Variants in RPA2 observed in about 807,000 individuals in gnomAD.
RPA2 encodes the protein replication protein A2, also known as replication protein A 32 kDa subunit.
RPA2 carries 22 observed loss-of-function variants against 33.4 expected under a neutral mutation model. The observed-to-expected ratio is 0.66, with a 90% CI of 0.47 to 0.94. RPA2 has a LOEUF of 0.94. RPA2 is among the 40% of genes least tolerant of loss of function. RPA2 has a pLI of 0.00. For synonymous variants in RPA2, 109 were observed against 114.9 expected, an observed-to-expected ratio of 0.95 and a Z score of 0.33; for missense variants, 279 against 329.9, an observed-to-expected ratio of 0.85 and a Z score of 1.19.
intron 2 of RPA2, among the ~76,000 whole-genome samples, chr1:27,911,694 C>T (rs1292286837): frequency 6.6e-6 from 1 of 152,148 alleles, no homozygotes; most frequent in Non-Finnish European, 1.5e-5. Context: ...TAGTTCCTTA[C>T]TAGCTATGTA....
chr1:27,894,158 C>G, intron 7 of RPA2, 52 bp from the exon 8 acceptor site: 1 of 1,552,394 alleles, frequency 6.4e-7, no homozygotes, highest in East Asian at 2.2e-5. Context: ...TCAGCCTCCC[C>G]TTTGCAAACC....
intron 4 of RPA2, among the ~76,000 whole-genome samples, chr1:27,900,853 C>T (rs762940222): frequency 2.6e-5 from 4 of 152,078 alleles, no homozygotes; most frequent in African/African-American, 4.8e-5. Flanking sequence ...TTAGTAGAGA[C>T]GAGGTTTCAC....
intron 4 of RPA2, among the ~76,000 whole-genome samples, chr1:27,903,583 G>A (rs1309421616): frequency 6.6e-6 from 1 of 151,802 alleles, no homozygotes; most frequent in Non-Finnish European, 1.5e-5. Context: ...GTTGGGTGTG[G>A]TGGTGCACGC....
intron 5 of RPA2, 139 bp from the exon 6 acceptor site, chr1:27,897,260 C>A: frequency 1.7e-6 from 1 of 592,872 alleles, no homozygotes; most frequent in Admixed American, 3.1e-5. Context: ...AGAGGTATTC[C>A]AAATATGGTC....
intron 2 of RPA2, 43 bp from the exon 3 acceptor site, chr1:27,907,325 A>G (rs1467813679): frequency 1.1e-5 from 16 of 1,482,020 alleles, no homozygotes; most frequent in Admixed American, 3.8e-5. Context: ...GAAAGTAATA[A>G]CTACCACTCA....
intron 4 of RPA2, among the ~76,000 whole-genome samples, chr1:27,898,938 G>A (rs953539948): frequency 6.6e-6 from 1 of 152,062 alleles, no homozygotes; most frequent in Admixed American, 6.6e-5. Context: ...CGGGGTATAT[G>A]GACTCACACC....
chr1:27,904,129 C>A (rs1344828331), intron 4 of RPA2, among the ~76,000 whole-genome samples: 1 of 149,624 alleles, frequency 6.7e-6, no homozygotes, highest in Non-Finnish European at 1.5e-5. Context: ...CGCGCCATTG[C>A]ACTCCAGCCT....
At chr1:27,907,133 C>A (rs1478854604) in intron 3 of RPA2, 48 bp downstream of exon 3, 1 of 1,585,396 alleles carries the variant, frequency 6.3e-7, no homozygotes, top group African/African-American at 1.4e-5. Flanking sequence ...AGTCTTATTT[C>A]ATTCTTTATT....
At position 27,906,990 on chromosome 1, in the gene RPA2, CA is replaced by C; in HGVS notation, c.270del (p.Ile90MetfsTer5). 2 of 1,613,244 alleles carry C rather than the reference CA, an allele frequency of 1.2e-6. No individual in the cohort carries two copies. Among genetic ancestry groups the C allele is most frequent in the Non-Finnish European group, 8.5e-7 (1 of 1,179,928 alleles). On this transcript the variant is annotated frameshift_variant, in exon 4 of 9. Transcript: ENST00000373912. LOFTEE classifies it high-confidence loss of function. ...IRHAEKAPTN[I>X]VYKIDDMTAA... ...GCTGTCATGTCATCTATTTTGTAAA[CA>C]ATGTTGGTTGGAGCCTTCTCTGCAT...
intron 2 of RPA2, among the ~76,000 whole-genome samples, chr1:27,910,014 A>G (rs1214589178): frequency 6.6e-6 from 1 of 152,164 alleles, no homozygotes; most frequent in Non-Finnish European, 1.5e-5. Flanking sequence ...TATAGTCTTA[A>G]AATTTGCAGG....
chr1:27,910,979 G>T (rs965504020), intron 2 of RPA2, among the ~76,000 whole-genome samples: 10 of 152,128 alleles, frequency 6.6e-5, no homozygotes, highest in Non-Finnish European at 1.0e-4. Context: ...ACTTTGGGAG[G>T]CCAAGAAGAG....
intron 4 of RPA2, among the ~76,000 whole-genome samples, chr1:27,903,262 G>A (rs2148657661): frequency 6.6e-6 from 1 of 151,744 alleles, no homozygotes; most frequent in Middle Eastern, 3.4e-3. Flanking sequence ...AGAAATGTAT[G>A]CAAAGATACT....
chr1:27,908,378 C>A (rs999022879), intron 2 of RPA2, among the ~76,000 whole-genome samples: 1 of 151,910 alleles, frequency 6.6e-6, no homozygotes, highest in African/African-American at 2.4e-5. Context: ...GATCCTCCGA[C>A]CTTAGCCTCC....
At chr1:27,910,770 G>C (rs923568216) in intron 2 of RPA2, among the ~76,000 whole-genome samples, 1 of 152,184 alleles carries the variant, frequency 6.6e-6, no homozygotes, top group Admixed American at 6.6e-5. Flanking sequence ...TGAGATGGGA[G>C]GATCCCTTGA....
At chr1:27,899,256 C>T (rs1163861318) in intron 4 of RPA2, among the ~76,000 whole-genome samples, 2 of 151,644 alleles carry the variant, frequency 1.3e-5, no homozygotes, top group Non-Finnish European at 2.9e-5. Flanking sequence ...CGCCTGTAAT[C>T]CCAGCTCTTT....
At chr1:27,913,837 A>C (rs933450201) in intron 2 of RPA2, among the ~76,000 whole-genome samples, 3 of 152,170 alleles carry the variant, frequency 2.0e-5, no homozygotes, top group Non-Finnish European at 4.4e-5. Context: ...TCAATTTCAA[A>C]ATAAGGCCAA....
chr1:27,893,904 C>T (rs1255245428), intron 8 of RPA2, 108 bp downstream of exon 8: 4 of 896,226 alleles, frequency 4.5e-6, no homozygotes, highest in Admixed American at 4.4e-5. Flanking sequence ...CCACCATGCC[C>T]GGCTGCCAAG....
intron 4 of RPA2, among the ~76,000 whole-genome samples, chr1:27,904,165 CAAAA>C (rs11334227): frequency 8.1e-6 from 1 of 123,522 alleles, no homozygotes; most frequent in African/African-American, 2.9e-5. Flanking sequence ...AGCTCCATCT[CAAAA>C]AAAAAAAAAA....
At chr1:27,914,253 A>G in intron 1 of RPA2, 84 bp from the exon 2 acceptor site, 1 of 1,596,974 alleles carries the variant, frequency 6.3e-7, no homozygotes, top group South Asian at 1.1e-5. Flanking sequence ...TCGCCCCTTC[A>G]AACACTGCCC....
Sources: allele counts gnomAD v4.1 joint callset (sites outside exome capture counted in the v4.1 genomes callset), GRCh38; gene constraint gnomAD v4.1.1; transcripts MANE v1.5; gene names NCBI Gene and HGNC (gene_info 2026-07-23, HGNC 2026-07-21).